The following HS6ST3 variants were observed in gnomAD, a reference collection of about 807,000 sequenced individuals.
HS6ST3 encodes heparan-sulfate 6-O-sulfotransferase 3.
Under a neutral mutation model 36.7 loss-of-function variants are expected in HS6ST3, and 12 were observed. That is an observed-to-expected ratio of 0.33 (90% CI 0.21 to 0.53). The LOEUF (loss-of-function observed/expected upper bound fraction) is 0.53, where lower values mean the gene tolerates loss of function less well. Ranked by LOEUF, HS6ST3 falls within the 20% of genes least tolerant of loss-of-function variation. The probability of loss-of-function intolerance (pLI) is 0.95; values close to 1 mark genes in which losing one functional copy is unlikely to be tolerated. For synonymous variants in HS6ST3, 240 were observed against 257.5 expected, an observed-to-expected ratio of 0.93 and a Z score of 0.65; for missense variants, 584 against 640.9, an observed-to-expected ratio of 0.91 and a Z score of 0.96.
chr13:96,631,569 A>G (rs2056532171), intron 1 of HS6ST3, among the ~76,000 whole-genome samples: 1 of 152,176 alleles, frequency 6.6e-6, no homozygotes, highest in South Asian at 2.1e-4. Flanking sequence ...TGAAGATTCT[A>G]TTATCATTAA....
At chr13:96,139,803 T>C (rs2054021851) in intron 1 of HS6ST3, among the ~76,000 whole-genome samples, 1 of 152,048 alleles carries the variant, frequency 6.6e-6, no homozygotes, top group Non-Finnish European at 1.5e-5. Context: ...AGGAAAAAGA[T>C]TTTTAAAAAG....
In HS6ST3 at chr13:96,270,730, C is replaced by A. The variant is rs572505222; in HGVS notation, c.707+179161C>A. On this transcript the variant is annotated intron_variant, in intron 1 of 1. Coordinates refer to ENST00000376705, the MANE Select transcript of HS6ST3 (RefSeq NM_153456.4). ...GAAAAGAAATGCACATATAACAAGA[C>A]TACAAGGCAGACTGGAGACTGGGAA... Among the ~76,000 whole-genome samples the A allele has an allele frequency of 4.6e-5, 7 of 151,958 alleles. No individual in the cohort carries two copies. In the East Asian group the frequency reaches 1.4e-3, roughly 29 times the overall value.
chr13:96,433,558 G>A (rs747166484), intron 1 of HS6ST3, among the ~76,000 whole-genome samples: 2 of 152,180 alleles, frequency 1.3e-5, no homozygotes, highest in Non-Finnish European at 2.9e-5. Context: ...ACCTGTGACT[G>A]TGTAAGATGT....
At chr13:96,823,326 C>T (rs56230471) in intron 1 of HS6ST3, among the ~76,000 whole-genome samples, 12,560 of 152,196 alleles carry the variant, frequency 0.083, 615 homozygotes, top group Non-Finnish European at 0.11. Flanking sequence ...TTAAAATACA[C>T]CACCAAAATA....
At chr13:96,689,590 T>TTTGC (rs1874880947) in intron 1 of HS6ST3, among the ~76,000 whole-genome samples, 1 of 118,010 alleles carries the variant, frequency 8.5e-6, no homozygotes, top group Non-Finnish European at 1.7e-5. Flanking sequence ...GTTTGTAGTT[T>TTTGC]TTGCTTTCTT....
chr13:96,209,370 G>T (rs1434083017), intron 1 of HS6ST3, among the ~76,000 whole-genome samples: 1 of 152,084 alleles, frequency 6.6e-6, no homozygotes, highest in Non-Finnish European at 1.5e-5. Context: ...GCTATACAAG[G>T]GTACCACAGT....
intron 1 of HS6ST3, among the ~76,000 whole-genome samples, chr13:96,519,331 C>T (rs2056084599): frequency 6.6e-6 from 1 of 152,208 alleles, no homozygotes; most frequent in South Asian, 2.1e-4. Context: ...GCTATGGCTT[C>T]ACTCAATGAC....
At chr13:96,557,104 A>T (rs1566395823) in intron 1 of HS6ST3, among the ~76,000 whole-genome samples, 1 of 152,232 alleles carries the variant, frequency 6.6e-6, no homozygotes, top group Non-Finnish European at 1.5e-5. Context: ...CCAGCTGTTC[A>T]TCAGTAATAT....
At chr13:96,489,661 G>T (rs1395340718) in intron 1 of HS6ST3, among the ~76,000 whole-genome samples, 1 of 151,862 alleles carries the variant, frequency 6.6e-6, no homozygotes, top group Non-Finnish European at 1.5e-5. Context: ...TATTAATATG[G>T]ATCATAATAA....
At position 96,134,857 on chromosome 13, in the gene HS6ST3, T is replaced by C. The variant is rs142753653; in HGVS notation, c.707+43288T>C. ...ATGTGACACATTTTTGATCCAAGAA[T>C]AATAGTTTTCTTTATGGAAGGGGCA... is the stretch of plus-strand genomic sequence containing the variant. On this transcript the variant is annotated intron_variant, in intron 1 of 1. Coordinates refer to ENST00000376705, the MANE Select transcript of HS6ST3 (RefSeq NM_153456.4). 1.6e-3 allele frequency among the ~76,000 whole-genome samples: 246 copies of C among 152,286 alleles called. 1 individual carries two copies. The highest frequency in any genetic ancestry group is 5.8e-3 in the African/African-American group (239 of 41,554).
At chr13:96,285,286 C>G (rs900899658) in intron 1 of HS6ST3, among the ~76,000 whole-genome samples, 1 of 152,160 alleles carries the variant, frequency 6.6e-6, no homozygotes, top group African/African-American at 2.4e-5. Flanking sequence ...GCTGACACTT[C>G]TGATCATCTT....
chr13:96,608,403 A>G (rs374112802), intron 1 of HS6ST3, among the ~76,000 whole-genome samples: 2 of 152,256 alleles, frequency 1.3e-5, no homozygotes, highest in African/African-American at 4.8e-5. Flanking sequence ...AGATGACCGG[A>G]TATTACGTGC....
chr13:96,238,086 C>G (rs1469873202), intron 1 of HS6ST3, among the ~76,000 whole-genome samples: 1 of 152,172 alleles, frequency 6.6e-6, no homozygotes, highest in African/African-American at 2.4e-5. Context: ...ATTCCATCCT[C>G]CAAACCTGTT....
intron 1 of HS6ST3, among the ~76,000 whole-genome samples, chr13:96,180,603 A>C (rs1264440919): frequency 1.3e-5 from 2 of 152,240 alleles, no homozygotes; most frequent in Admixed American, 6.5e-5. Context: ...TTAATTAATT[A>C]ATTTTGACAT....
At chr13:96,324,380 A>G (rs2055020040) in intron 1 of HS6ST3, among the ~76,000 whole-genome samples, 1 of 152,160 alleles carries the variant, frequency 6.6e-6, no homozygotes, top group Non-Finnish European at 1.5e-5. Context: ...GGTGTTTGAA[A>G]ATGAAGGAAG....
intron 1 of HS6ST3, among the ~76,000 whole-genome samples, chr13:96,145,858 A>G (rs2054055463): frequency 6.6e-6 from 1 of 152,200 alleles, no homozygotes; most frequent in Non-Finnish European, 1.5e-5. Flanking sequence ...ATCCAGTTTC[A>G]GCTTTCTACA....
rs186174533 is a variant in HS6ST3, at chr13:96,193,010, T to A, written c.707+101441T>A. 8.7e-4 allele frequency among the ~76,000 whole-genome samples: 133 copies of A among 152,256 alleles called. 1 individual carries two copies. Among genetic ancestry groups the A allele is most frequent in the Middle Eastern group, 3.4e-3 (1 of 294 alleles). On this transcript the variant is annotated intron_variant, in intron 1 of 1. Transcript: ENST00000376705. ...TGTCAGCCTCCCTGATTGCTGCTGTTCCTCTCTCGGCAAATTGCAGAGCTG... is the reference window on the plus strand; with the variant it reads ...TGTCAGCCTCCCTGATTGCTGCTGTACCTCTCTCGGCAAATTGCAGAGCTG...
chr13:96,775,487 A>G (rs934058913), intron 1 of HS6ST3, among the ~76,000 whole-genome samples: 16 of 151,298 alleles, frequency 1.1e-4, no homozygotes, highest in African/African-American at 3.9e-4. Flanking sequence ...ATGGAGGAAG[A>G]TTTACCAAGC....
At chr13:96,265,457 G>A (rs1439928869) in intron 1 of HS6ST3, among the ~76,000 whole-genome samples, 2 of 152,118 alleles carry the variant, frequency 1.3e-5, no homozygotes, top group Non-Finnish European at 2.9e-5. Flanking sequence ...TGGGATTATA[G>A]GCATGAGACA....
Sources: allele counts gnomAD v4.1 joint callset (sites outside exome capture counted in the v4.1 genomes callset), GRCh38; gene constraint gnomAD v4.1.1; transcripts MANE v1.5; gene names NCBI Gene and HGNC (gene_info 2026-07-23, HGNC 2026-07-21).